Variants in BTK observed in about 807,000 individuals in gnomAD.
The protein encoded by BTK is tyrosine-protein kinase BTK.
BTK carries 5 observed loss-of-function variants against 57.4 expected under a neutral mutation model. The observed-to-expected ratio is 0.09, with a 90% CI of 0.05 to 0.18. The LOEUF (loss-of-function observed/expected upper bound fraction) is 0.18, where lower values mean the gene tolerates loss of function less well. Ranked by LOEUF, BTK falls within the 10% of genes least tolerant of loss-of-function variation. The pLI is 1.00. For missense variants in BTK, 194 were observed against 501.2 expected, an observed-to-expected ratio of 0.39 and a Z score of 5.85; for synonymous variants, 154 against 174.3, an observed-to-expected ratio of 0.88 and a Z score of 0.92.
chrX:101,357,660 C>T (rs1603005769), intron 12 of BTK, 77 bp from the exon 13 acceptor site: 1 of 814,490 alleles, frequency 1.2e-6, no homozygotes, highest in East Asian at 3.1e-5. Context: ...CTTAAAGCCT[C>T]ACACTTCCGG....
At chrX:101,380,092 A>G (rs1266489847) in intron 1 of BTK, among the ~76,000 whole-genome samples, 1 of 111,404 alleles carries the variant, frequency 9.0e-6, no homozygotes, top group Non-Finnish European at 1.9e-5. Flanking sequence ...CTGTGAATAT[A>G]AAACTTTGAT....
At chrX:101,377,572 C>G (rs944322042) in intron 1 of BTK, among the ~76,000 whole-genome samples, 2 of 110,929 alleles carry the variant, frequency 1.8e-5, no homozygotes, top group Non-Finnish European at 3.8e-5. Context: ...CTGCTTAGAC[C>G]CACCATCTGT....
At chrX:101,370,363 C>G (rs905412787) in intron 4 of BTK, among the ~76,000 whole-genome samples, 1 of 111,805 alleles carries the variant, frequency 8.9e-6, no homozygotes, top group East Asian at 2.8e-4. Context: ...TATAAGGTCT[C>G]CGTCTGCCCT....
At chrX:101,375,406 C>T in intron 1 of BTK, 92 bp from the exon 2 acceptor site, 1 of 862,550 alleles carries the variant, frequency 1.2e-6, no homozygotes, top group Non-Finnish European at 1.7e-6. Flanking sequence ...TCAAATGGAA[C>T]AAAAATGTGC....
chrX:101,362,966 A>C (rs1425269678), intron 5 of BTK, among the ~76,000 whole-genome samples: 4 of 112,084 alleles, frequency 3.6e-5, no homozygotes, highest in African/African-American at 1.3e-4. Flanking sequence ...TGAGAGCCCA[A>C]CAACAGAAAT....
At chrX:101,368,872 G>C (rs782443975) in intron 5 of BTK, among the ~76,000 whole-genome samples, 42 of 112,071 alleles carry the variant, frequency 3.7e-4, no homozygotes, top group Non-Finnish European at 6.4e-4. Flanking sequence ...TACAAGGCTG[G>C]TATAGCCAGC....
chrX:101,380,067 G>T (rs1187511127), intron 1 of BTK, among the ~76,000 whole-genome samples: 2 of 111,387 alleles, frequency 1.8e-5, no homozygotes, highest in Non-Finnish European at 3.8e-5. Context: ...CTGTCCCTAG[G>T]GTTCTTATTG....
chrX:101,350,442 G>A (rs868942329), intron 18 of BTK, among the ~76,000 whole-genome samples: 3 of 56,979 alleles, frequency 5.3e-5, no homozygotes, highest in Non-Finnish European at 3.4e-5. Context: ...GTAACAAAAA[G>A]ACTAAGGTTT....
chrX:101,389,365 C>T (rs941521213), upstream of BTK, among the ~76,000 whole-genome samples: 1 of 111,857 alleles, frequency 8.9e-6, no homozygotes, highest in African/African-American at 3.3e-5. Flanking sequence ...GCCATGTTCA[C>T]GGTCTTCATA....
chrX:101,375,980 G>A (rs1027169311), intron 1 of BTK, among the ~76,000 whole-genome samples: 2 of 109,957 alleles, frequency 1.8e-5, no homozygotes, highest in Non-Finnish European at 3.8e-5. Context: ...GTTTTGGTGG[G>A]GGGGGGGTAG....
At chrX:101,372,486 C>T (rs967024177) in intron 3 of BTK, among the ~76,000 whole-genome samples, 8 of 109,323 alleles carry the variant, frequency 7.3e-5, no homozygotes, top group African/African-American at 1.3e-4. Context: ...CTTGCTCTGT[C>T]GTCCAGCCTG....
upstream of BTK, among the ~76,000 whole-genome samples, chrX:101,388,094 C>A (rs1047387835): frequency 4.5e-5 from 5 of 111,071 alleles, no homozygotes; most frequent in Admixed American, 9.6e-5. Context: ...TCTCGATCTC[C>A]TGACCTCGTG....
Position 101,378,277 on chromosome X carries a change from T to A in BTK, c.-30-2963A>T, listed in dbSNP as rs782712705. Among the ~76,000 whole-genome samples, 18 of 110,234 alleles carry A rather than the reference T, an allele frequency of 1.6e-4. 3 individuals are homozygous for A. In the East Asian group the frequency reaches 1.7e-3, roughly 10 times the overall value. On this transcript the variant is annotated intron_variant, in intron 1 of 18. Coordinates refer to ENST00000308731, the MANE Select transcript of BTK (RefSeq NM_000061.3). The stretch of plus-strand genomic sequence containing the variant: ...TTTTGTATTTTTAGTAGAGGTGGGG[T>A]TTCCCCATGTTGGCCAGGCTGGTCT...
intron 15 of BTK, chrX:101,355,561 C>G: frequency 8.4e-6 from 1 of 118,659 alleles, no homozygotes; most frequent in Non-Finnish European, 1.7e-5. Flanking sequence ...TGTAGATTTT[C>G]AAGAGAAGCT....
chrX:101,354,051 T>C (rs1603002600), intron 16 of BTK, 63 bp from the exon 17 acceptor site: 1 of 856,656 alleles, frequency 1.2e-6, no homozygotes, highest in East Asian at 3.1e-5. Context: ...TTACGTTTTC[T>C]TGGCACGGTC....
intron 1 of BTK, among the ~76,000 whole-genome samples, chrX:101,378,275 G>A (rs941502033): frequency 2.7e-5 from 3 of 110,588 alleles, no homozygotes; most frequent in Non-Finnish European, 5.7e-5. Context: ...GTAGAGGTGG[G>A]GTTTCCCCAT....
At chrX:101,390,780 A>C, upstream of BTK, 1 of 476,496 alleles carries the variant, frequency 2.1e-6, no homozygotes, top group Non-Finnish European at 3.6e-6. Flanking sequence ...GTCCACCAAA[A>C]GAGATAAAGT....
rs782654519 is a variant in BTK at position 101,357,531 on chromosome X, A to G, written c.1155T>C (p.Pro385=). 5.8e-6 allele frequency: 7 copies of G among 1,208,812 alleles called. No individual in the cohort carries two copies. In the African/African-American group the frequency reaches 1.1e-4, roughly 18 times the overall value. Residue 385 remains proline (P), a synonymous_variant, in exon 13 of 19, where the codon CCT becomes CCC. Transcript: ENST00000308731. ...TACCGTATCCCAGGCCTGCAGTGGAAGGTGCATTCTTGTTTTGTTGAGACA... is the reference window on the plus strand; with the variant it reads ...TACCGTATCCCAGGCCTGCAGTGGAGGGTGCATTCTTGTTTTGTTGAGACA... ...YPVSQQNKNA[P]STAGLGYGSW...
chrX:101,388,030 C>A (rs112364452), upstream of BTK, among the ~76,000 whole-genome samples: 1,873 of 110,742 alleles, frequency 0.017, 42 homozygotes, highest in African/African-American at 0.059. Context: ...CCACGCCTGG[C>A]TAATTTTTTG....
Sources: gnomAD v4.1 joint callset for allele counts (sites outside exome capture counted in the v4.1 genomes callset) on GRCh38, gnomAD v4.1.1 for gene constraint, MANE v1.5 for transcripts, NCBI Gene and HGNC (gene_info 2026-07-23, HGNC 2026-07-21) for gene names.